The following DLG5 variants were observed in gnomAD, a reference collection of about 807,000 sequenced individuals.
DLG5 encodes discs large MAGUK scaffold protein 5.
A neutral mutation model predicts 189.8 loss-of-function variants in DLG5; 48 were observed. The ratio of observed to expected loss-of-function variants is 0.25; its 90% CI spans 0.20 to 0.32. The LOEUF (loss-of-function observed/expected upper bound fraction) is 0.32. Among genes scored for constraint, DLG5 ranks in the 10% least tolerant of loss-of-function variants. The pLI is 1.00. For missense variants in DLG5, 2,160 were observed against 2,544.7 expected, an observed-to-expected ratio of 0.85 and a Z score of 3.25; for synonymous variants, 1,016 against 1,054.1, an observed-to-expected ratio of 0.96 and a Z score of 0.70.
the DLG5 span, among the ~76,000 whole-genome samples, chr10:77,933,567 T>G: frequency 1.3e-5 from 2 of 152,110 alleles, no homozygotes; most frequent in African/African-American, 4.8e-5. Context: ...GTGCTAAGAT[T>G]ACAGGGGTGA....
At chr10:77,806,700 G>A (rs1841489320) in intron 26 of DLG5, 58 bp downstream of exon 26, 2 of 1,490,258 alleles carry the variant, frequency 1.3e-6, no homozygotes, top group African/African-American at 2.7e-5. Flanking sequence ...ACAGCTCCAT[G>A]GCTGGTGGCC....
At chr10:77,936,450 A>T in the DLG5 span, among the ~76,000 whole-genome samples, 6 of 87,618 alleles carry the variant, frequency 6.8e-5, no homozygotes, top group African/African-American at 1.9e-4. Context: ...ACAAAACAAA[A>T]AAAAAAAAAA....
chr10:77,826,878 G>T (rs7919677), intron 13 of DLG5, among the ~76,000 whole-genome samples: 135 of 152,030 alleles, frequency 8.9e-4, no homozygotes, highest in African/African-American at 3.2e-3. Flanking sequence ...AACCTGGGAG[G>T]CGGAGGCTAC....
chr10:77,824,091 T>C (rs913497478), intron 14 of DLG5, among the ~76,000 whole-genome samples: 1 of 152,194 alleles, frequency 6.6e-6, no homozygotes, highest in African/African-American at 2.4e-5. Context: ...GCCATTCTCC[T>C]GTATAACAAC....
In DLG5 at chr10:77,830,276, C is replaced by T; in HGVS notation, c.1950G>A (p.Gly650=). 2 of 1,614,146 alleles carry T rather than the reference C, an allele frequency of 1.2e-6. No individual in the cohort carries two copies. The highest frequency in any genetic ancestry group is 1.7e-6 in the Non-Finnish European group (2 of 1,180,046). The change falls in exon 11 of 32, where the codon GGG becomes GGA. Residue 650 remains glycine (G), a synonymous_variant. Transcript: ENST00000372391. Reference sequence around the variant, plus strand: ...CTTTAGTGACAAATATGCCACAGTCCCCCGGGAAACAAGGCTCATTCACAC... The same window carrying T: ...CTTTAGTGACAAATATGCCACAGTCTCCCGGGAAACAAGGCTCATTCACAC... ...AEGVNEPCFP[G]DCGIFVTKVD... is the part of the protein sequence containing the mutation.
At chr10:77,863,810 A>C (rs978894634) in intron 2 of DLG5, among the ~76,000 whole-genome samples, 1 of 152,172 alleles carries the variant, frequency 6.6e-6, no homozygotes, top group African/African-American at 2.4e-5. Context: ...GGAAGACACC[A>C]GATCAGGAGC....
rs1002699787 is a variant in DLG5 at position 77,833,987 on chromosome 10, C to T, written c.1675G>A (p.Ala559Thr). Reference protein sequence around the residue: ...RERDRAVSELAEALRSLDDTR... With the variant: ...RERDRAVSELTEALRSLDDTR... ...TCATCCAGGCTGCGCAGGGCCTCAG[C>T]CAGCTCGCTCACCGCACGGTCCCGC... Residue 559 changes from alanine (A) to threonine (T), a missense_variant, in exon 9 of 32, where the codon GCT becomes ACT. Physicochemically the swap from Ala to Thr is moderately conservative, Grantham distance 58. Transcript: ENST00000372391. The T allele has an allele frequency of 6.2e-7, 1 of 1,608,542 alleles. No individual in the cohort carries two copies. The highest frequency in any genetic ancestry group is 8.5e-7 in the Non-Finnish European group (1 of 1,179,954).
At chr10:77,890,823 C>A (rs761280671) in intron 1 of DLG5, among the ~76,000 whole-genome samples, 1 of 152,266 alleles carries the variant, frequency 6.6e-6, no homozygotes, top group South Asian at 2.1e-4. Context: ...CATCTCTGAG[C>A]TTCCAGGAGT....
rs200853183 is a variant in DLG5 at position 77,816,544 on chromosome 10, T to G, written c.4025+7A>C. The G allele has an allele frequency of 3.7e-6, 6 of 1,613,874 alleles. No individual in the cohort carries two copies. Among genetic ancestry groups the G allele is most frequent in the South Asian group, 1.1e-5 (1 of 91,064 alleles). Reference sequence around the variant, plus strand: ...TACCCACTCCACCGATGACCGGCCATGCTCACCTGTCCTTTCTCCGCTCCC... The same window carrying G: ...TACCCACTCCACCGATGACCGGCCAGGCTCACCTGTCCTTTCTCCGCTCCC... On this transcript the variant is annotated splice_region_variant and intron_variant, in intron 20 of 31. Transcript: ENST00000372391.
chr10:77,934,385 A>AG, the DLG5 span, among the ~76,000 whole-genome samples: 499 of 151,686 alleles, frequency 3.3e-3, 2 homozygotes, highest in South Asian at 0.018. Flanking sequence ...AAAAAAAAAA[A>AG]AAAGAAAAGG....
intron 1 of DLG5, among the ~76,000 whole-genome samples, chr10:77,888,951 G>C (rs1183021079): frequency 6.6e-6 from 1 of 152,094 alleles, no homozygotes; most frequent in Non-Finnish European, 1.5e-5. Flanking sequence ...CCCCCTAGGT[G>C]TTTGCATTTC....
At chr10:77,854,780 G>T (rs565616342) in intron 3 of DLG5, among the ~76,000 whole-genome samples, 2 of 152,044 alleles carry the variant, frequency 1.3e-5, no homozygotes, top group Admixed American at 6.6e-5. Context: ...GAAGCCAGGG[G>T]TTTGAGACCA....
intron 19 of DLG5, 139 bp downstream of exon 19, chr10:77,816,868 A>G (rs1230907824): frequency 8.2e-6 from 11 of 1,344,930 alleles, no homozygotes; most frequent in Non-Finnish European, 8.3e-6. Flanking sequence ...CCACACCACC[A>G]GGCCTACTGC....
the DLG5 span, among the ~76,000 whole-genome samples, chr10:77,940,211 A>T: frequency 2.6e-5 from 4 of 152,296 alleles, no homozygotes; most frequent in East Asian, 7.7e-4. Flanking sequence ...CAGCTTCCTG[A>T]TGTCAACAGC....
intron 3 of DLG5, among the ~76,000 whole-genome samples, chr10:77,856,073 T>C (rs898523208): frequency 3.3e-5 from 5 of 152,068 alleles, no homozygotes; most frequent in African/African-American, 1.2e-4. Flanking sequence ...GGCCAGACAC[T>C]GTGGCTCACG....
intron 6 of DLG5, 138 bp from the exon 7 acceptor site, chr10:77,842,331 C>T: frequency 9.3e-7 from 1 of 1,071,094 alleles, no homozygotes; most frequent in African/African-American, 1.6e-5. Flanking sequence ...TCTCTCCACC[C>T]CCAGGAGAGA....
At chr10:77,816,725 C>T (rs776739654) in intron 19 of DLG5, 24 bp from the exon 20 acceptor site, 32 of 1,581,054 alleles carry the variant, frequency 2.0e-5, no homozygotes, top group African/African-American at 1.2e-4. Context: ...CGGGTAATGC[C>T]GGTGTGAACT....
chr10:77,822,385 C>T (rs1842413849), intron 14 of DLG5, among the ~76,000 whole-genome samples: 1 of 152,216 alleles, frequency 6.6e-6, no homozygotes, highest in Admixed American at 6.5e-5. Flanking sequence ...GTGGCTCATG[C>T]CTGTAATCCC....
chr10:77,829,951 C>T (rs2154575918), intron 11 of DLG5, among the ~76,000 whole-genome samples: 1 of 152,332 alleles, frequency 6.6e-6, no homozygotes, highest in South Asian at 2.1e-4. Flanking sequence ...ATCCTGGGCT[C>T]TCACGCATAC....
Sources: gnomAD v4.1 joint callset for allele counts (sites outside exome capture counted in the v4.1 genomes callset) on GRCh38, gnomAD v4.1.1 for gene constraint, MANE v1.5 for transcripts, NCBI Gene and HGNC (gene_info 2026-07-23, HGNC 2026-07-21) for gene names.